SUGCT: variants seen among roughly 807,000 people sequenced by gnomAD.
SUGCT encodes the protein succinyl-CoA:glutarate-CoA transferase.
SUGCT carries 41 observed loss-of-function variants against 55.0 expected under a neutral mutation model. That is an observed-to-expected ratio of 0.74 (90% CI 0.58 to 0.97). SUGCT has a LOEUF of 0.97. Ranked by LOEUF, SUGCT falls within the 50% of genes least tolerant of loss-of-function variation. The pLI is 0.00. For missense variants in SUGCT, 568 were observed against 547.8 expected (o/e 1.04, Z -0.37); for synonymous variants, 187 against 200.4 (o/e 0.93, Z 0.56).
At chr7:40,149,653 C>T (rs1292910533) in intron 1 of SUGCT, among the ~76,000 whole-genome samples, 8 of 152,164 alleles carry the variant, frequency 5.3e-5, no homozygotes, top group Non-Finnish European at 8.8e-5. Context: ...CATGGTAGCT[C>T]ACGCCTGTAA....
chr7:40,612,775 A>G (rs1219799592), intron 12 of SUGCT, among the ~76,000 whole-genome samples: 1 of 152,242 alleles, frequency 6.6e-6, no homozygotes, highest in African/African-American at 2.4e-5. Context: ...ATATTAGCTA[A>G]CATGATTATT....
At chr7:40,585,376 C>T (rs1247405685) in intron 12 of SUGCT, among the ~76,000 whole-genome samples, 9 of 152,148 alleles carry the variant, frequency 5.9e-5, no homozygotes, top group Non-Finnish European at 1.3e-4. Context: ...GTTTTGCCTT[C>T]TTCTCTGAAA....
chr7:40,199,029 G>A (rs1786447965), intron 6 of SUGCT, among the ~76,000 whole-genome samples: 1 of 148,982 alleles, frequency 6.7e-6, no homozygotes, highest in African/African-American at 2.6e-5. Flanking sequence ...GGTAATCAGT[G>A]TGTCTGTGTG....
chr7:40,324,851 G>A (rs923808907), intron 9 of SUGCT, among the ~76,000 whole-genome samples: 4 of 152,086 alleles, frequency 2.6e-5, no homozygotes, highest in African/African-American at 9.7e-5. Context: ...GCCTTTCAAT[G>A]GGAATTTTCC....
At chr7:40,895,933 T>C in the SUGCT span, among the ~76,000 whole-genome samples, 1 of 152,176 alleles carries the variant, frequency 6.6e-6, no homozygotes, top group Admixed American at 6.5e-5. Context: ...TCCCCTAGGA[T>C]TGGAATTGAG....
At chr7:40,932,218 A>G in the SUGCT span, among the ~76,000 whole-genome samples, 2 of 152,102 alleles carry the variant, frequency 1.3e-5, no homozygotes, top group African/African-American at 2.4e-5. Context: ...TTCAGTTTCC[A>G]TGTAGTTGTG....
chr7:40,724,143 CAT>C (rs1416262507), intron 12 of SUGCT, among the ~76,000 whole-genome samples: 1 of 152,146 alleles, frequency 6.6e-6, no homozygotes, highest in East Asian at 1.9e-4. Flanking sequence ...AAAATGAGCA[CAT>C]GATTGCCTAT....
intron 11 of SUGCT, among the ~76,000 whole-genome samples, chr7:40,467,267 T>C (rs1250753689): frequency 6.8e-6 from 1 of 147,162 alleles, no homozygotes; most frequent in African/African-American, 2.5e-5. Flanking sequence ...GCAGCAGTAC[T>C]CAGCCTATTT....
At chr7:40,597,643 T>C (rs777305661) in intron 12 of SUGCT, among the ~76,000 whole-genome samples, 11 of 152,164 alleles carry the variant, frequency 7.2e-5, no homozygotes, top group Non-Finnish European at 1.5e-4. Context: ...CAGAGCATTC[T>C]GTATCCTGCC....
chr7:40,636,674 A>G (rs960549077), intron 12 of SUGCT, among the ~76,000 whole-genome samples: 3 of 152,110 alleles, frequency 2.0e-5, no homozygotes, highest in Non-Finnish European at 4.4e-5. Flanking sequence ...TCTATTTGGG[A>G]TGATGAAAAA....
intron 9 of SUGCT, among the ~76,000 whole-genome samples, chr7:40,402,844 TC>T (rs557948104): frequency 7.9e-5 from 12 of 152,322 alleles, no homozygotes; most frequent in African/African-American, 2.2e-4. Flanking sequence ...TTCTGGACTC[TC>T]CAGAGCAAGC....
chr7:40,792,013 C>G (rs973897113), intron 13 of SUGCT, among the ~76,000 whole-genome samples: 8 of 152,194 alleles, frequency 5.3e-5, no homozygotes, highest in Non-Finnish European at 1.0e-4. Context: ...ATCCTGTCCT[C>G]TGGCCACACA....
chr7:40,518,668 CT>C (rs1267795690), intron 12 of SUGCT, among the ~76,000 whole-genome samples: 1 of 152,000 alleles, frequency 6.6e-6, no homozygotes, highest in East Asian at 1.9e-4. Context: ...TATTCTTTTC[CT>C]ATTTAAAAGT....
intron 1 of SUGCT, chr7:40,151,548 C>G (rs1272501944): frequency 4.8e-6 from 1 of 210,094 alleles, no homozygotes; most frequent in Admixed American, 4.5e-5. Flanking sequence ...TCCAAGATCT[C>G]TCCTCATGGC....
chr7:40,399,724 A>C (rs1785958122), intron 9 of SUGCT, among the ~76,000 whole-genome samples: 1 of 152,286 alleles, frequency 6.6e-6, no homozygotes, highest in Middle Eastern at 3.4e-3. Flanking sequence ...TCTGTATGTC[A>C]TTAATTTCTT....
chr7:40,249,485 G>T (rs1218638525), intron 7 of SUGCT, among the ~76,000 whole-genome samples: 1 of 148,072 alleles, frequency 6.8e-6, no homozygotes, highest in Non-Finnish European at 1.5e-5. Flanking sequence ...GCCTAGGAAA[G>T]AACTTCACGC....
At chr7:40,821,586 T>C (rs748216854) in intron 13 of SUGCT, among the ~76,000 whole-genome samples, 1 of 152,218 alleles carries the variant, frequency 6.6e-6, no homozygotes, top group Non-Finnish European at 1.5e-5. Flanking sequence ...TGGTAATTTG[T>C]ATTTCTGTGG....
At chr7:40,564,706 G>T (rs951307841) in intron 12 of SUGCT, among the ~76,000 whole-genome samples, 2 of 152,198 alleles carry the variant, frequency 1.3e-5, no homozygotes, top group Non-Finnish European at 2.9e-5. Flanking sequence ...CTGGGTCAAT[G>T]ATACTTGTAA....
At chr7:40,292,398 C>T (rs1332888467) in intron 8 of SUGCT, among the ~76,000 whole-genome samples, 1 of 152,036 alleles carries the variant, frequency 6.6e-6, no homozygotes, top group Non-Finnish European at 1.5e-5. Flanking sequence ...TCAGTTCTTC[C>T]TGAAACTGAA....
Sources: gnomAD v4.1 joint callset for allele counts (sites outside exome capture counted in the v4.1 genomes callset) on GRCh38, gnomAD v4.1.1 for gene constraint, MANE v1.5 for transcripts, NCBI Gene and HGNC (gene_info 2026-07-23, HGNC 2026-07-21) for gene names.